Variants in RAP1GDS1 observed in about 807,000 individuals in gnomAD.
RAP1GDS1 encodes the protein Rap1 GTPase-GDP dissociation stimulator 1.
A neutral mutation model predicts 71.1 loss-of-function variants in RAP1GDS1; 35 were observed. The observed-to-expected ratio is 0.49, with a 90% confidence interval of 0.38 to 0.65. The LOEUF is 0.65. Ranked by LOEUF, RAP1GDS1 falls within the 30% of genes least tolerant of loss-of-function variation. The pLI is 0.00. For missense variants in RAP1GDS1, 663 were observed against 706.1 expected, an observed-to-expected ratio of 0.94 and a Z score of 0.69; for synonymous variants, 229 against 243.1, an observed-to-expected ratio of 0.94 and a Z score of 0.54.
intron 5 of RAP1GDS1, among the ~76,000 whole-genome samples, chr4:98,384,255 CT>C (rs1178424237): frequency 6.6e-6 from 1 of 151,608 alleles, no homozygotes. Context: ...CAGTTTGTCA[CT>C]TTTTACTCCA....
At chr4:98,338,399 C>CAA (rs1735001520) in intron 2 of RAP1GDS1, among the ~76,000 whole-genome samples, 1 of 152,152 alleles carries the variant, frequency 6.6e-6, no homozygotes, top group Admixed American at 6.5e-5. Context: ...GGACTTGTCT[C>CAA]TTTGGTAATT....
At chr4:98,272,230 G>T (rs145307814) in intron 1 of RAP1GDS1, among the ~76,000 whole-genome samples, 2 of 152,250 alleles carry the variant, frequency 1.3e-5, no homozygotes, top group South Asian at 2.1e-4. Flanking sequence ...ATTACTAGGC[G>T]CAAACACATC....
chr4:98,321,645 CAG>C (rs1560831057), intron 2 of RAP1GDS1, among the ~76,000 whole-genome samples: 2 of 148,294 alleles, frequency 1.3e-5, no homozygotes, highest in Non-Finnish European at 3.0e-5. Flanking sequence ...ATTTTCAACC[CAG>C]AATTTCATAT....
intron 2 of RAP1GDS1, among the ~76,000 whole-genome samples, chr4:98,335,748 C>T (rs1734627764): frequency 6.8e-6 from 1 of 147,820 alleles, no homozygotes; most frequent in Non-Finnish European, 1.5e-5. Flanking sequence ...TCACTCTTTC[C>T]TTTGGCCAAG....
intron 1 of RAP1GDS1, among the ~76,000 whole-genome samples, chr4:98,292,198 C>T (rs563607119): frequency 3.8e-4 from 57 of 151,420 alleles, no homozygotes; most frequent in Non-Finnish European, 7.7e-4. Context: ...GCAATCCTAG[C>T]TCCCTGTAGA....
At chr4:98,286,049 T>C (rs1161618775) in intron 1 of RAP1GDS1, among the ~76,000 whole-genome samples, 1 of 151,522 alleles carries the variant, frequency 6.6e-6, no homozygotes, top group Non-Finnish European at 1.5e-5. Flanking sequence ...GGAGGATGGC[T>C]TGAGCTCAGG....
chr4:98,354,328 C>T (rs1560890780), intron 4 of RAP1GDS1, among the ~76,000 whole-genome samples: 1 of 152,160 alleles, frequency 6.6e-6, no homozygotes, highest in Non-Finnish European at 1.5e-5. Flanking sequence ...TCCCAAAGTG[C>T]TGGGATTACA....
chr4:98,422,497 T>C (rs922256216), intron 12 of RAP1GDS1, among the ~76,000 whole-genome samples: 2 of 152,178 alleles, frequency 1.3e-5, no homozygotes, highest in South Asian at 2.1e-4. Context: ...ATTACAGGCA[T>C]GAGCCACCAT....
intron 1 of RAP1GDS1, among the ~76,000 whole-genome samples, chr4:98,291,097 C>T (rs182234170): frequency 2.0e-5 from 3 of 152,188 alleles, no homozygotes; most frequent in Non-Finnish European, 2.9e-5. Context: ...AATTCATTGG[C>T]TTTGTCAAGA....
chr4:98,402,519 G>A (rs1354537153), intron 6 of RAP1GDS1, among the ~76,000 whole-genome samples: 1 of 152,140 alleles, frequency 6.6e-6, no homozygotes, highest in Admixed American at 6.5e-5. Context: ...TAAAGCCGTA[G>A]TTTTTTGTGA....
At chr4:98,415,200 T>G (rs891809189) in intron 7 of RAP1GDS1, among the ~76,000 whole-genome samples, 24 of 152,192 alleles carry the variant, frequency 1.6e-4, no homozygotes, top group Admixed American at 2.0e-4. Flanking sequence ...CTGCAGGCAG[T>G]CAGACCTTTG....
intron 1 of RAP1GDS1, among the ~76,000 whole-genome samples, chr4:98,282,910 T>G (rs1014432881): frequency 6.6e-6 from 1 of 152,166 alleles, no homozygotes; most frequent in African/African-American, 2.4e-5. Context: ...GTTGTTCAGT[T>G]TCCATGTAGT....
rs180679782 is a variant in RAP1GDS1 at position 98,438,174 on chromosome 4, T to C, written c.1696+1106T>C. Among the ~76,000 whole-genome samples the C allele has an allele frequency of 1.1e-3, 173 of 152,104 alleles. 1 individual carries two copies. Among genetic ancestry groups the C allele is most frequent in the African/African-American group, 4.0e-3 (164 of 41,472 alleles). On this transcript the variant is annotated intron_variant, in intron 14 of 14. Coordinates refer to ENST00000408927, the MANE Select transcript of RAP1GDS1 (RefSeq NM_001100427.2). ...CCCTTTTATCATTATATAGTGTACCTCTCTCTGGTATTTTTCTTTGCTCTC... is the reference window on the plus strand; with the variant it reads ...CCCTTTTATCATTATATAGTGTACCCCTCTCTGGTATTTTTCTTTGCTCTC...
chr4:98,285,824 TAATTATAA>T, intron 1 of RAP1GDS1, among the ~76,000 whole-genome samples: 1 of 128,932 alleles, frequency 7.8e-6, no homozygotes, highest in Non-Finnish European at 1.7e-5. Context: ...TTATAATAAA[TAATTATAA>T]ATAAATTATA....
chr4:98,374,136 C>T (rs1207833458), intron 4 of RAP1GDS1, among the ~76,000 whole-genome samples: 3 of 152,120 alleles, frequency 2.0e-5, no homozygotes, highest in Non-Finnish European at 4.4e-5. Context: ...CTACTGTACA[C>T]TTAGGTTAGA....
intron 4 of RAP1GDS1, among the ~76,000 whole-genome samples, chr4:98,363,120 G>A (rs1021083545): frequency 6.6e-6 from 1 of 152,110 alleles, no homozygotes; most frequent in Admixed American, 6.6e-5. Context: ...TCTCTCTGTG[G>A]ATGTTATTTA....
intron 2 of RAP1GDS1, chr4:98,296,892 T>C: frequency 2.6e-6 from 1 of 388,810 alleles, no homozygotes; most frequent in Non-Finnish European, 5.1e-6. Context: ...GTAATAAAAA[T>C]TCTATCCATT....
intron 2 of RAP1GDS1, among the ~76,000 whole-genome samples, chr4:98,341,606 G>A (rs1051377943): frequency 4.6e-5 from 7 of 152,110 alleles, no homozygotes; most frequent in Non-Finnish European, 7.3e-5. Flanking sequence ...AGACCCCTGG[G>A]GCAGTATGAC....
intron 2 of RAP1GDS1, among the ~76,000 whole-genome samples, chr4:98,326,145 T>C (rs1325336079): frequency 6.6e-6 from 1 of 151,676 alleles, no homozygotes; most frequent in Admixed American, 6.6e-5. Context: ...ATTTCTTTCA[T>C]TCATTTCTCA....
Sources: gnomAD v4.1 joint callset for allele counts (sites outside exome capture counted in the v4.1 genomes callset) on GRCh38, gnomAD v4.1.1 for gene constraint, MANE v1.5 for transcripts, NCBI Gene and HGNC (gene_info 2026-07-23, HGNC 2026-07-21) for gene names.